Variants in FAAH2 observed in about 807,000 individuals in gnomAD.
FAAH2 encodes the protein fatty-acid amide hydrolase 2.
Under a neutral mutation model 36.9 loss-of-function variants are expected in FAAH2, and 60 were observed. The ratio of observed to expected loss-of-function variants is 1.63; its 90% CI spans 1.32 to 2.02. FAAH2 has a LOEUF of 2.02. FAAH2 is among the 30% of genes most tolerant of loss of function. The pLI, the probability that FAAH2 is intolerant of heterozygous loss-of-function variation, is 0.00. For synonymous variants in FAAH2, 214 were observed against 143.8 expected (o/e 1.49, Z -3.49); for missense variants, 689 against 397.5 (o/e 1.73, Z -6.23).
At chrX:57,373,550 C>T (rs768010665) in intron 5 of FAAH2, among the ~76,000 whole-genome samples, 1 of 110,795 alleles carries the variant, frequency 9.0e-6, no homozygotes, top group Admixed American at 9.6e-5. Context: ...CTATTCATGT[C>T]CTTACCCCAT....
chrX:57,344,440 T>C (rs998485406), intron 5 of FAAH2, among the ~76,000 whole-genome samples: 1 of 111,838 alleles, frequency 8.9e-6, no homozygotes, highest in Non-Finnish European at 1.9e-5. Flanking sequence ...TACTGATTTC[T>C]GTACATGAAT....
chrX:57,349,077 T>G (rs2053910604), intron 5 of FAAH2, among the ~76,000 whole-genome samples: 1 of 97,788 alleles, frequency 1.0e-5, no homozygotes. Context: ...ATATATTATA[T>G]ATACACATAT....
chrX:57,164,860 A>G, the FAAH2 span, among the ~76,000 whole-genome samples: 1 of 112,371 alleles, frequency 8.9e-6, no homozygotes, highest in African/African-American at 3.2e-5. Context: ...TTTCCATTTT[A>G]ATCATTTTTT....
At chrX:57,372,433 G>T (rs1167249663) in intron 5 of FAAH2, among the ~76,000 whole-genome samples, 1 of 110,229 alleles carries the variant, frequency 9.1e-6, no homozygotes, top group Non-Finnish European at 1.9e-5. Flanking sequence ...TGTGTTAGTT[G>T]GATACTTCTA....
chrX:57,246,706 C>T, the FAAH2 span, among the ~76,000 whole-genome samples: 1 of 112,044 alleles, frequency 8.9e-6, no homozygotes, highest in African/African-American at 3.2e-5. Context: ...CAAAGTAAGT[C>T]TTGTGGCACT....
intron 10 of FAAH2, among the ~76,000 whole-genome samples, chrX:57,478,822 A>G (rs969753565): frequency 4.5e-5 from 5 of 110,053 alleles, no homozygotes; most frequent in East Asian, 2.9e-4. Context: ...ATTTCTGAGG[A>G]CTCTGTTCTG....
At chrX:57,266,441 G>A in the FAAH2 span, among the ~76,000 whole-genome samples, 1 of 112,190 alleles carries the variant, frequency 8.9e-6, no homozygotes. Flanking sequence ...TCCATGCCTG[G>A]GCCTACAGCC....
At chrX:57,424,146 T>A (rs1446893916) in intron 7 of FAAH2, among the ~76,000 whole-genome samples, 1 of 112,018 alleles carries the variant, frequency 8.9e-6, no homozygotes, top group Non-Finnish European at 1.9e-5. Flanking sequence ...AGGCTATTTA[T>A]GACTAAGAAA....
At chrX:57,234,166 T>A in the FAAH2 span, among the ~76,000 whole-genome samples, 1 of 112,538 alleles carries the variant, frequency 8.9e-6, no homozygotes, top group East Asian at 2.8e-4. Context: ...TTTTTTTAAA[T>A]GATGTGCTAA....
chrX:57,132,514 T>A, the FAAH2 span, among the ~76,000 whole-genome samples: 1 of 112,149 alleles, frequency 8.9e-6, no homozygotes, highest in Non-Finnish European at 1.9e-5. Context: ...TGACTCATAT[T>A]TATCTTCCAC....
At chrX:57,441,833 A>G (rs1354545613) in intron 8 of FAAH2, among the ~76,000 whole-genome samples, 1 of 111,448 alleles carries the variant, frequency 9.0e-6, no homozygotes, top group Non-Finnish European at 1.9e-5. Context: ...GGTTTTGAAG[A>G]ACATCTTTAT....
At chrX:57,484,757 A>G (rs1349241534) in intron 10 of FAAH2, among the ~76,000 whole-genome samples, 1 of 111,299 alleles carries the variant, frequency 9.0e-6, no homozygotes, top group Non-Finnish European at 1.9e-5. Context: ...GTCTGACCTC[A>G]GGTGCCAGGA....
intron 10 of FAAH2, among the ~76,000 whole-genome samples, chrX:57,462,183 A>AAAAAAAAG (rs2056971451): frequency 9.3e-6 from 1 of 107,468 alleles, no homozygotes; most frequent in Non-Finnish European, 1.9e-5. Context: ...AAAAAAAAAA[A>AAAAAAAAG]AAAACCCAGG....
chrX:57,423,973 A>G lies in FAAH2; in HGVS notation c.997-7945A>G, dbSNP rs368563602. ...GACAAACTGCATAGTCCATTACAAC[A>G]TCGGCCGACACAATAGCATAGCACT... On this transcript the variant is annotated intron_variant, in intron 7 of 10. Transcript: ENST00000374900. Among the ~76,000 whole-genome samples the G allele has an allele frequency of 6.5e-4, 72 of 111,356 alleles. No individual in the cohort carries two copies. The South Asian group carries it at 0.024, about 37-fold the overall frequency.
chrX:57,390,674 G>A (rs1190226618), intron 7 of FAAH2, among the ~76,000 whole-genome samples: 1 of 111,544 alleles, frequency 9.0e-6, no homozygotes, highest in African/African-American at 3.3e-5. Flanking sequence ...TTTTATGGCC[G>A]TATAGTATTC....
At chrX:57,423,984 C>T (rs1370240841) in intron 7 of FAAH2, among the ~76,000 whole-genome samples, 2 of 111,359 alleles carry the variant, frequency 1.8e-5, no homozygotes, top group Non-Finnish European at 1.9e-5. Flanking sequence ...TCGGCCGACA[C>T]AATAGCATAG....
At chrX:57,195,133 G>A in the FAAH2 span, among the ~76,000 whole-genome samples, 1 of 111,540 alleles carries the variant, frequency 9.0e-6, no homozygotes, top group Non-Finnish European at 1.9e-5. Flanking sequence ...ACCCAGTACT[G>A]AGACTACTTG....
the FAAH2 span, among the ~76,000 whole-genome samples, chrX:57,222,824 C>A: frequency 9.0e-6 from 1 of 111,534 alleles, no homozygotes; most frequent in South Asian, 3.7e-4. Flanking sequence ...CCTAACAGAA[C>A]AACCCTTTCC....
chrX:57,150,396 A>C, the FAAH2 span, among the ~76,000 whole-genome samples: 2 of 111,834 alleles, frequency 1.8e-5, no homozygotes, highest in Non-Finnish European at 3.8e-5. Flanking sequence ...TGGGATTCTA[A>C]GTCTCTTTGT....
Sources: gnomAD v4.1 joint callset for allele counts (sites outside exome capture counted in the v4.1 genomes callset) on GRCh38, gnomAD v4.1.1 for gene constraint, MANE v1.5 for transcripts, NCBI Gene and HGNC (gene_info 2026-07-23, HGNC 2026-07-21) for gene names.